KCNQ5: variants seen among roughly 807,000 people sequenced by gnomAD.
KCNQ5 encodes potassium voltage-gated channel subfamily Q member 5.
In KCNQ5, 30 loss-of-function variants were observed where a neutral mutation model predicts 98.2. The observed-to-expected ratio is 0.31, with a 90% CI of 0.23 to 0.41. The LOEUF (loss-of-function observed/expected upper bound fraction) is 0.41. KCNQ5 is among the 10% of genes least tolerant of loss of function. KCNQ5 has a pLI of 1.00. For synonymous variants in KCNQ5, 458 were observed against 449.4 expected, an observed-to-expected ratio of 1.02 and a Z score of -0.24; for missense variants, 835 against 1,182.5, an observed-to-expected ratio of 0.71 and a Z score of 4.31.
intron 11 of KCNQ5, among the ~76,000 whole-genome samples, chr6:73,188,982 C>CA (rs67431655): frequency 0.048 from 3,934 of 81,836 alleles, 276 homozygotes; most frequent in African/African-American, 0.15. Context: ...GACTCTGTCT[C>CA]AAAAAAAAAA....
chr6:73,080,356 G>T (rs538236349), intron 5 of KCNQ5, among the ~76,000 whole-genome samples: 132 of 152,144 alleles, frequency 8.7e-4, no homozygotes, highest in Middle Eastern at 3.4e-3. Context: ...TTTTATAAGA[G>T]ATCAAACTTC....
At chr6:72,647,782 C>T (rs1326238429) in intron 1 of KCNQ5, among the ~76,000 whole-genome samples, 2 of 152,132 alleles carry the variant, frequency 1.3e-5, no homozygotes, top group African/African-American at 2.4e-5. Context: ...GGGAATGACT[C>T]CCCCATTAGA....
At chr6:73,132,011 A>T (rs774423431) in intron 9 of KCNQ5, among the ~76,000 whole-genome samples, 12 of 152,188 alleles carry the variant, frequency 7.9e-5, no homozygotes, top group Non-Finnish European at 1.3e-4. Flanking sequence ...TTTCATGTAA[A>T]CACACATAAA....
intron 1 of KCNQ5, among the ~76,000 whole-genome samples, chr6:72,819,252 A>G (rs1775642951): frequency 6.6e-6 from 1 of 152,186 alleles, no homozygotes; most frequent in Admixed American, 6.6e-5. Flanking sequence ...TAAGCACATC[A>G]TGGAGAATGG....
At chr6:73,024,060 A>G (rs1257131503) in intron 2 of KCNQ5, among the ~76,000 whole-genome samples, 2 of 152,190 alleles carry the variant, frequency 1.3e-5, no homozygotes, top group African/African-American at 2.4e-5. Context: ...TCTCTTTCCA[A>G]TAATTACTGG....
chr6:73,042,038 G>A lies in KCNQ5; in HGVS notation c.592G>A (p.Ala198Thr). ...YRGWQGRLRF[A>T]RKPFCVIDTI... ...AGGATGGCAAGGAAGACTGAGGTTT[G>A]CTCGAAAGCCCTTCTGTGTTATAGG... Residue 198 changes from alanine to threonine, a missense_variant, in exon 3 of 14, where the codon GCT becomes ACT. Around this residue, in one of 10 missense-constraint regions of KCNQ5, gnomAD observed 48 missense variants for 112.1 expected, o/e 0.43. Coordinates refer to ENST00000370398, the MANE Select transcript of KCNQ5 (RefSeq NM_019842.4). The A allele has an allele frequency of 6.2e-7, 1 of 1,613,902 alleles. No homozygotes were observed. Among genetic ancestry groups the A allele is most frequent in the Non-Finnish European group, 8.5e-7 (1 of 1,179,784 alleles).
chr6:72,866,252 C>CTTTTTTTTT (rs34839143), intron 1 of KCNQ5, among the ~76,000 whole-genome samples: 1 of 113,768 alleles, frequency 8.8e-6, no homozygotes, highest in Non-Finnish European at 1.7e-5. Context: ...CGCCATCTCC[C>CTTTTTTTTT]TTTTTTTTTT....
chr6:72,983,520 A>G (rs554353867), intron 1 of KCNQ5, among the ~76,000 whole-genome samples: 2 of 152,262 alleles, frequency 1.3e-5, no homozygotes, highest in South Asian at 2.1e-4. Flanking sequence ...TTTCAGCTCC[A>G]TCAGGTCATT....
chr6:73,022,398 T>G (rs1253184028), intron 2 of KCNQ5, among the ~76,000 whole-genome samples: 1 of 152,060 alleles, frequency 6.6e-6, no homozygotes, highest in East Asian at 1.9e-4. Flanking sequence ...TCCCAGCAAC[T>G]TGGAATGCTG....
intron 2 of KCNQ5, 81 bp downstream of exon 2, chr6:73,004,079 C>T (rs778518326): frequency 9.6e-6 from 7 of 727,062 alleles, no homozygotes; most frequent in Non-Finnish European, 1.6e-5. Flanking sequence ...TCTTATCCTA[C>T]AAAAAAATCC....
intron 1 of KCNQ5, among the ~76,000 whole-genome samples, chr6:72,794,374 A>G (rs560928299): frequency 6.6e-6 from 1 of 152,174 alleles, no homozygotes; most frequent in Non-Finnish European, 1.5e-5. Flanking sequence ...TAAAACTGAG[A>G]GATATGGCAA....
intron 12 of KCNQ5, among the ~76,000 whole-genome samples, chr6:73,191,694 A>G (rs553045426): frequency 3.4e-4 from 52 of 152,320 alleles, no homozygotes; most frequent in African/African-American, 1.2e-3. Context: ...GCAGGTAATT[A>G]TTGAGCCCAT....
chr6:72,645,603 C>T (rs1765560261), intron 1 of KCNQ5, among the ~76,000 whole-genome samples: 1 of 152,070 alleles, frequency 6.6e-6, no homozygotes, highest in African/African-American at 2.4e-5. Flanking sequence ...CTACCTGCAT[C>T]TCCCTCATAG....
intron 1 of KCNQ5, among the ~76,000 whole-genome samples, chr6:72,911,809 GT>G (rs796851555): frequency 3.9e-5 from 6 of 152,196 alleles, no homozygotes; most frequent in African/African-American, 1.4e-4. Context: ...TAAAGACAAA[GT>G]TTTTTATTTT....
At chr6:72,902,736 G>A (rs543193391) in intron 1 of KCNQ5, among the ~76,000 whole-genome samples, 6 of 152,194 alleles carry the variant, frequency 3.9e-5, no homozygotes, top group Non-Finnish European at 7.4e-5. Flanking sequence ...TGTTAGATTC[G>A]GTTAGCTAGT....
intron 1 of KCNQ5, among the ~76,000 whole-genome samples, chr6:72,779,617 A>C (rs1374937487): frequency 2.0e-5 from 3 of 152,040 alleles, no homozygotes; most frequent in Admixed American, 2.0e-4. Flanking sequence ...AAATAAGAAG[A>C]TTAAACTAAG....
In KCNQ5 at chr6:72,657,712, A is replaced by G. The variant is rs552883598; in HGVS notation, c.398+35125A>G. Among the ~76,000 whole-genome samples, 215 of 152,378 alleles carry G rather than the reference A, an allele frequency of 1.4e-3. 2 individuals are homozygous for G. Among genetic ancestry groups the G allele is most frequent in the Non-Finnish European group, 1.9e-3 (132 of 68,040 alleles). On this transcript the variant is annotated intron_variant, in intron 1 of 13. Transcript: ENST00000370398. ...AGATAGAAATCTATAGCTTATTTGC[A>G]AATGATGCTATGCTATGTTATAGTT...
rs1769160100 is a variant in KCNQ5 at position 72,707,702 on chromosome 6, C to A, written c.398+85115C>A. On this transcript the variant is annotated intron_variant, in intron 1 of 13. Transcript: ENST00000370398. The stretch of plus-strand genomic sequence containing the variant: ...ATAAATTTTATGTGCACATGTTTAA[C>A]CATTCATCAGACACAGAACTTCTTT... 2.6e-5 allele frequency among the ~76,000 whole-genome samples: 4 copies of A among 152,254 alleles called. No homozygotes were observed. The South Asian group carries it at 8.3e-4, about 32-fold the overall frequency.
chr6:72,778,892 A>G (rs1306343010), intron 1 of KCNQ5, among the ~76,000 whole-genome samples: 1 of 152,234 alleles, frequency 6.6e-6, no homozygotes, highest in Non-Finnish European at 1.5e-5. Flanking sequence ...AATATAGAAG[A>G]GGTGCCACTA....
Sources: allele counts gnomAD v4.1 joint callset (sites outside exome capture counted in the v4.1 genomes callset), GRCh38; gene constraint gnomAD v4.1.1; regional missense constraint gnomAD v4.1.1; transcripts MANE v1.5; gene names NCBI Gene and HGNC (gene_info 2026-07-23, HGNC 2026-07-21).